Variants in LRRK2 observed in about 807,000 individuals in gnomAD.
LRRK2 encodes the protein leucine rich repeat kinase 2, also known as leucine-rich repeat serine/threonine-protein kinase 2.
In LRRK2, 203 loss-of-function variants were observed where a neutral mutation model predicts 302.6. That is an observed-to-expected ratio of 0.67 (90% CI 0.60 to 0.75). The LOEUF (loss-of-function observed/expected upper bound fraction) is 0.75, where lower values mean the gene tolerates loss of function less well. LRRK2 is among the 30% of genes least tolerant of loss of function. LRRK2 has a pLI of 0.00. For synonymous variants in LRRK2, 1,066 were observed against 1,031.9 expected (o/e 1.03, Z -0.63); for missense variants, 2,830 against 2,951.0 (o/e 0.96, Z 0.95).
intron 48 of LRRK2, 146 bp downstream of exon 48, chr12:40,363,700 C>T (rs1478428781): frequency 1.2e-6 from 1 of 821,832 alleles, no homozygotes; most frequent in East Asian, 2.7e-5. Flanking sequence ...TTCTCAGCAC[C>T]ATCTTTTCAG....
At position 40,310,637 on chromosome 12, in the gene LRRK2, C is replaced by G. The variant is rs756714261; in HGVS notation, c.4524C>G (p.Ser1508Arg). Residue 1508 changes from serine (S) to arginine (R), a missense_variant, in exon 31 of 51, where the codon AGC becomes AGG. Physicochemically the swap from Ser to Arg is moderately radical, Grantham distance 110 (BLOSUM62 -1). Around this residue, in one of 3 missense-constraint regions of LRRK2, gnomAD observed 2,121 missense variants for 2,148.0 expected, o/e 0.99. Coordinates refer to ENST00000298910, the MANE Select transcript of LRRK2 (RefSeq NM_198578.4). ...TTCGGAAAACCATCATAAACGAGAGCCTTAATTTCAAGGTAACATGGTAGG... is the reference window on the plus strand; with the variant it reads ...TTCGGAAAACCATCATAAACGAGAGGCTTAATTTCAAGGTAACATGGTAGG... ...AKLRKTIINE[S>R]LNFKIRDQLV... 4 of 1,612,436 alleles carry G rather than the reference C, an allele frequency of 2.5e-6. No homozygotes were observed. The highest frequency in any genetic ancestry group is 1.3e-5 in the African/African-American group (1 of 74,450).
At position 40,302,849 on chromosome 12, in the gene LRRK2, C is replaced by G. The variant is rs761035082; in HGVS notation, c.3557C>G (p.Ser1186Cys). 1 of 1,609,800 alleles carries G rather than the reference C, an allele frequency of 6.2e-7. No homozygotes were observed. Among genetic ancestry groups the G allele is most frequent in the Non-Finnish European group, 8.5e-7 (1 of 1,176,606 alleles). Residue 1186 changes from serine to cysteine, a missense_variant, in exon 26 of 51, where the codon TCC becomes TGC. Physicochemically the swap from Ser to Cys is moderately radical, Grantham distance 112. Around this residue, in one of 3 missense-constraint regions of LRRK2, gnomAD observed 2,121 missense variants for 2,148.0 expected, o/e 0.99. Transcript: ENST00000298910. ...CTAAAATTATCTCAGAACAAATTTTCCTGTATTCCAGAAGCAATTTTAAAT... is the reference window on the plus strand; with the variant it reads ...CTAAAATTATCTCAGAACAAATTTTGCTGTATTCCAGAAGCAATTTTAAAT... ...TILKLSQNKF[S>C]CIPEAILNLP...
intron 38 of LRRK2, among the ~76,000 whole-genome samples, chr12:40,325,344 G>A (rs761734625): frequency 1.3e-5 from 2 of 152,136 alleles, no homozygotes; most frequent in African/African-American, 4.8e-5. Flanking sequence ...GAAAATGTTT[G>A]TGATTACTCT....
chr12:40,275,512 T>C lies in LRRK2; in HGVS notation c.1941+519T>C, dbSNP rs150923197. On this transcript the variant is annotated intron_variant, in intron 16 of 50. Coordinates refer to ENST00000298910, the MANE Select transcript of LRRK2 (RefSeq NM_198578.4). ...AGTTCACGGGAGATTAAGAATAAAT[T>C]TGTTTTGTTTTGTTTTTTAATTGTA... is the stretch of plus-strand genomic sequence containing the variant. 1.1e-3 allele frequency among the ~76,000 whole-genome samples: 167 copies of C among 152,292 alleles called. 1 individual carries two copies. Among genetic ancestry groups the C allele is most frequent in the African/African-American group, 3.8e-3 (157 of 41,552 alleles).
intron 33 of LRRK2, 142 bp from the exon 34 acceptor site, chr12:40,319,846 G>T (rs1395569082): frequency 1.5e-6 from 1 of 672,712 alleles, no homozygotes; most frequent in Non-Finnish European, 2.4e-6. Context: ...ATGGTTGCTA[G>T]AGAAATTAGG....
chr12:40,288,133 G>C (rs1413256452), intron 20 of LRRK2, among the ~76,000 whole-genome samples: 1 of 151,622 alleles, frequency 6.6e-6, no homozygotes, highest in African/African-American at 2.4e-5. Flanking sequence ...TATTAATATA[G>C]TATGATTGAA....
intron 8 of LRRK2, among the ~76,000 whole-genome samples, chr12:40,250,257 C>T (rs901268124): frequency 2.6e-5 from 4 of 152,018 alleles, no homozygotes; most frequent in African/African-American, 7.2e-5. Context: ...TTTGGGAGGC[C>T]GAGGCGGGTG....
chr12:40,337,764 G>A (rs1945918089), intron 40 of LRRK2, among the ~76,000 whole-genome samples: 1 of 152,182 alleles, frequency 6.6e-6, no homozygotes, highest in Non-Finnish European at 1.5e-5. Flanking sequence ...TCTTGGCATA[G>A]CATCAAAGAT....
intron 39 of LRRK2, among the ~76,000 whole-genome samples, chr12:40,329,146 T>A (rs1945636762): frequency 6.6e-6 from 1 of 152,224 alleles, no homozygotes; most frequent in Admixed American, 6.5e-5. Flanking sequence ...TAATAAGAAC[T>A]GCTATTGATT....
At chr12:40,284,720 C>A (rs1481378264) in intron 19 of LRRK2, among the ~76,000 whole-genome samples, 1 of 152,100 alleles carries the variant, frequency 6.6e-6, no homozygotes, top group Admixed American at 6.6e-5. Context: ...TGAGCTCTCT[C>A]ATTTGTTCAC....
At chr12:40,363,150 A>G (rs1946765423) in intron 47 of LRRK2, among the ~76,000 whole-genome samples, 1 of 152,074 alleles carries the variant, frequency 6.6e-6, no homozygotes, top group Non-Finnish European at 1.5e-5. Context: ...CAAAGTAAAC[A>G]TTGGACATAA....
At chr12:40,362,823 A>C (rs1946755054) in intron 47 of LRRK2, among the ~76,000 whole-genome samples, 1 of 152,046 alleles carries the variant, frequency 6.6e-6, no homozygotes, top group Admixed American at 6.6e-5. Flanking sequence ...TTTATGTTTA[A>C]AAGGGGAAAA....
At chr12:40,288,117 CT>C (rs1943999300) in intron 20 of LRRK2, among the ~76,000 whole-genome samples, 1 of 151,518 alleles carries the variant, frequency 6.6e-6, no homozygotes, top group Non-Finnish European at 1.5e-5. Context: ...GAGTGAGGGG[CT>C]TTCTTATTAA....
chr12:40,239,942 A>T (rs532613639), intron 5 of LRRK2, among the ~76,000 whole-genome samples: 1 of 152,304 alleles, frequency 6.6e-6, no homozygotes, highest in East Asian at 1.9e-4. Flanking sequence ...TACTGGCTTG[A>T]TCAAATGACT....
chr12:40,282,048 CCCTTCCCTTCCCTTCCCTTCCCTTCCCTT>C (rs1943722084), intron 18 of LRRK2, among the ~76,000 whole-genome samples: 1 of 27,808 alleles, frequency 3.6e-5, no homozygotes, highest in Non-Finnish European at 6.7e-5. Context: ...CCCTTCCCTT[CCCTTCCCTTCCCTTCCCTTCCCTTCCCTT>C]CCCTTCCCTT....
intron 25 of LRRK2, chr12:40,301,192 G>A (rs1944611819): frequency 2.2e-6 from 1 of 449,148 alleles, no homozygotes; most frequent in South Asian, 1.6e-5. Context: ...CCCCATGGAG[G>A]TGACATCTGA....
chr12:40,298,153 A>G, intron 23 of LRRK2, 90 bp from the exon 24 acceptor site: 4 of 1,330,646 alleles, frequency 3.0e-6, no homozygotes, highest in Admixed American at 1.9e-5. Flanking sequence ...TGATGGTTCT[A>G]GTTACCAGAG....
intron 7 of LRRK2, among the ~76,000 whole-genome samples, chr12:40,244,083 T>A (rs1941866151): frequency 6.6e-6 from 1 of 152,136 alleles, no homozygotes; most frequent in Non-Finnish European, 1.5e-5. Flanking sequence ...ACTATCCAAC[T>A]TAAATGTTGT....
rs554360026 is a variant in LRRK2, at chr12:40,271,974, G to A, written c.1657-2609G>A. On this transcript the variant is annotated intron_variant, in intron 14 of 50. Coordinates refer to ENST00000298910, the MANE Select transcript of LRRK2 (RefSeq NM_198578.4). The stretch of plus-strand genomic sequence containing the variant: ...GTAGAGATATTGAGGACAGAGATAG[G>A]TGCTTTATAAATATCAATTTGATAT... 7.2e-5 allele frequency among the ~76,000 whole-genome samples: 11 copies of A among 152,204 alleles called. 1 individual carries two copies. Among genetic ancestry groups the A allele is most frequent in the African/African-American group, 2.6e-4 (11 of 41,548 alleles).
Sources: gnomAD v4.1 joint callset for allele counts (sites outside exome capture counted in the v4.1 genomes callset) on GRCh38, gnomAD v4.1.1 for gene constraint, gnomAD v4.1.1 regional missense constraint, MANE v1.5 for transcripts, NCBI Gene and HGNC (gene_info 2026-07-23, HGNC 2026-07-21) for gene names.